SEMA6A: variants seen among roughly 807,000 people sequenced by gnomAD.
The protein encoded by SEMA6A is semaphorin-6A.
SEMA6A carries 25 observed loss-of-function variants against 96.8 expected under a neutral mutation model. The observed-to-expected ratio is 0.26, with a 90% CI of 0.19 to 0.36. SEMA6A has a LOEUF of 0.36. Ranked by LOEUF, SEMA6A falls within the 10% of genes least tolerant of loss-of-function variation. The probability of loss-of-function intolerance (pLI) is 1.00; values close to 1 mark genes in which losing one functional copy is unlikely to be tolerated. For synonymous variants in SEMA6A, 612 were observed against 518.0 expected (o/e 1.18, Z -2.46); for missense variants, 1,363 against 1,323.1 (o/e 1.03, Z -0.47).
At chr5:116,529,389 A>G (rs367543663) in intron 1 of SEMA6A, among the ~76,000 whole-genome samples, 23 of 152,316 alleles carry the variant, frequency 1.5e-4, no homozygotes, top group African/African-American at 5.1e-4. Context: ...ACAGCTAGAA[A>G]AGCAGATTTT....
intron 10 of SEMA6A, among the ~76,000 whole-genome samples, chr5:116,483,009 T>G (rs530083174): frequency 6.6e-6 from 1 of 152,318 alleles, no homozygotes; most frequent in East Asian, 1.9e-4. Flanking sequence ...ATATTGCTTC[T>G]TTGAATTTGG....
At chr5:116,456,931 G>A (rs891061129) in intron 18 of SEMA6A, among the ~76,000 whole-genome samples, 2 of 152,104 alleles carry the variant, frequency 1.3e-5, no homozygotes, top group Admixed American at 1.3e-4. Context: ...CTAGACGAGA[G>A]AAAAGAAACT....
chr5:116,490,861 T>G (rs1757294858), intron 7 of SEMA6A, among the ~76,000 whole-genome samples: 2 of 152,220 alleles, frequency 1.3e-5, no homozygotes, highest in South Asian at 4.1e-4. Context: ...ACACTTCTCT[T>G]ACACCCACCT....
intron 6 of SEMA6A, among the ~76,000 whole-genome samples, chr5:116,493,698 CAG>C (rs762852142): frequency 5.9e-4 from 90 of 152,138 alleles, no homozygotes; most frequent in Middle Eastern, 6.8e-3. Context: ...CAAAAAAAGA[CAG>C]GGGGTTTTTC....
Position 116,548,548 on chromosome 5 carries a change from G to A in SEMA6A, c.-39+25637C>T, listed in dbSNP as rs542494129. On this transcript the variant is annotated intron_variant, in intron 1 of 18. Coordinates refer to ENST00000343348, the MANE Select transcript of SEMA6A (RefSeq NM_020796.5). ...GTATAAATATAATGCTGCATACCAC[G>A]GAAAAGTTATTGTTGTGTTTAAACA... 7.9e-4 allele frequency among the ~76,000 whole-genome samples: 120 copies of A among 152,194 alleles called. 9 individuals are homozygous for A. Among genetic ancestry groups the A allele is most frequent in the Non-Finnish European group, 5.9e-5 (4 of 68,000 alleles).
intron 15 of SEMA6A, among the ~76,000 whole-genome samples, chr5:116,477,270 A>AAATTT (rs1337723803): frequency 2.8e-3 from 421 of 152,354 alleles, no homozygotes; most frequent in Non-Finnish European, 4.7e-3. Context: ...AATCATAGGC[A>AAATTT]TGGTGGACTG....
At chr5:116,491,623 G>GAGAA in intron 7 of SEMA6A, 117 bp downstream of exon 7, 1 of 753,242 alleles carries the variant, frequency 1.3e-6, no homozygotes, top group East Asian at 2.5e-5. Context: ...CTTAATTACA[G>GAGAA]TATTCACCAG....
intron 18 of SEMA6A, among the ~76,000 whole-genome samples, chr5:116,459,414 C>T (rs1437916087): frequency 3.3e-5 from 5 of 152,080 alleles, no homozygotes; most frequent in African/African-American, 2.4e-5. Context: ...CCTTTCTTCC[C>T]AACGTCTACC....
chr5:116,552,217 C>T (rs1760444980), intron 1 of SEMA6A, among the ~76,000 whole-genome samples: 2 of 149,576 alleles, frequency 1.3e-5, no homozygotes, highest in African/African-American at 4.9e-5. Flanking sequence ...CTGATGTACA[C>T]ATTTCCTTTA....
intron 1 of SEMA6A, among the ~76,000 whole-genome samples, chr5:116,526,293 A>G (rs527244556): frequency 6.6e-6 from 1 of 152,278 alleles, no homozygotes; most frequent in East Asian, 1.9e-4. Flanking sequence ...ACACTCTTCA[A>G]ACATCACCTT....
chr5:116,519,120 C>T (rs1405068677), intron 1 of SEMA6A, among the ~76,000 whole-genome samples: 3 of 152,082 alleles, frequency 2.0e-5, no homozygotes, highest in Non-Finnish European at 4.4e-5. Flanking sequence ...GAGTGTCGTC[C>T]AGAATCCTCA....
chr5:116,447,689 C>A lies in SEMA6A; in HGVS notation c.2017G>T (p.Val673Phe), dbSNP rs1469056213. The change falls in exon 19 of 19, where the codon GTC becomes TTC. Residue 673 changes from valine (V) to phenylalanine (F), a missense_variant. Coordinates refer to ENST00000343348, the MANE Select transcript of SEMA6A (RefSeq NM_020796.5). ...AVFSGITVYCVCDHRRKDVAV... is the reference protein window; with the variant it reads ...AVFSGITVYCFCDHRRKDVAV... Reference sequence around the variant, plus strand: ...ACGTCTTTGCGCCGATGATCACAGACGCAGTAGACGGTGATGCCCGAGAAG... The same window carrying A: ...ACGTCTTTGCGCCGATGATCACAGAAGCAGTAGACGGTGATGCCCGAGAAG... The A allele has an allele frequency of 6.2e-7, 1 of 1,614,006 alleles. No homozygotes were observed. The highest frequency in any genetic ancestry group is 1.7e-5 in the Admixed American group (1 of 60,028).
At chr5:116,572,887 G>A (rs1761281930) in intron 1 of SEMA6A, among the ~76,000 whole-genome samples, 1 of 152,316 alleles carries the variant, frequency 6.6e-6, no homozygotes, top group Non-Finnish European at 1.5e-5. Context: ...CTTTCCAGGA[G>A]CGCCTGGTCT....
At position 116,480,104 on chromosome 5, in the gene SEMA6A, GGTTT is replaced by G. The variant is rs1165659719; in HGVS notation, c.1250+14_1250+17del. On this transcript the variant is annotated intron_variant, in intron 12 of 18. Coordinates refer to ENST00000343348, the MANE Select transcript of SEMA6A (RefSeq NM_020796.5). ...GAAGTTAGGAAATCCATCAGGACAC[GGTTT>G]GTTTGACACCCACCTGACCATTGTT... is the stretch of plus-strand genomic sequence containing the variant. 8.1e-6 allele frequency: 13 copies of G among 1,612,778 alleles called. No individual in the cohort carries two copies. Among genetic ancestry groups the G allele is most frequent in the East Asian group, 2.2e-5 (1 of 44,874 alleles).
intron 1 of SEMA6A, among the ~76,000 whole-genome samples, chr5:116,528,094 T>C (rs1055843072): frequency 6.6e-6 from 1 of 152,314 alleles, no homozygotes; most frequent in East Asian, 1.9e-4. Context: ...CCAGGAACAG[T>C]AGAGTTTAAA....
At chr5:116,465,639 G>A (rs890232545) in intron 18 of SEMA6A, among the ~76,000 whole-genome samples, 4 of 152,154 alleles carry the variant, frequency 2.6e-5, no homozygotes, top group Admixed American at 1.3e-4. Context: ...GAACAATGCC[G>A]AATTTTAAAA....
At chr5:116,528,079 A>C (rs191018529) in intron 1 of SEMA6A, among the ~76,000 whole-genome samples, 13 of 152,220 alleles carry the variant, frequency 8.5e-5, no homozygotes, top group Admixed American at 3.9e-4. Context: ...GCAATTTAGA[A>C]CTCTCCAGGA....
chr5:116,482,914 A>G (rs527997428), intron 10 of SEMA6A, among the ~76,000 whole-genome samples: 2 of 152,328 alleles, frequency 1.3e-5, no homozygotes, highest in Admixed American at 1.3e-4. Flanking sequence ...TTATCAGTTA[A>G]TGACCTCTCT....
intron 18 of SEMA6A, among the ~76,000 whole-genome samples, chr5:116,457,938 T>C (rs1324399019): frequency 2.6e-5 from 4 of 152,272 alleles, no homozygotes; most frequent in South Asian, 4.1e-4. Flanking sequence ...ATGTAGTTAG[T>C]TTGAGCAAGC....
Sources: gnomAD v4.1 joint callset for allele counts (sites outside exome capture counted in the v4.1 genomes callset) on GRCh38, gnomAD v4.1.1 for gene constraint, MANE v1.5 for transcripts, NCBI Gene and HGNC (gene_info 2026-07-23, HGNC 2026-07-21) for gene names.